The following SNAP91 variants were observed in gnomAD, a reference collection of about 807,000 sequenced individuals.
The protein encoded by SNAP91 is clathrin coat assembly protein AP180.
SNAP91 carries 27 observed loss-of-function variants against 100.3 expected under a neutral mutation model. That is an observed-to-expected ratio of 0.27 (90% CI 0.20 to 0.37). SNAP91 has a LOEUF of 0.37. Ranked by LOEUF, SNAP91 falls within the 10% of genes least tolerant of loss-of-function variation. The pLI is 1.00. For missense variants in SNAP91, 986 were observed against 1,123.7 expected (o/e 0.88, Z 1.75); for synonymous variants, 404 against 398.6 (o/e 1.01, Z -0.16).
At chr6:83,590,715 T>C (rs891143733) in intron 22 of SNAP91, among the ~76,000 whole-genome samples, 1 of 152,082 alleles carries the variant, frequency 6.6e-6, no homozygotes, top group Admixed American at 6.6e-5. Flanking sequence ...AAGATGGGCA[T>C]AGACATTACA....
intron 16 of SNAP91, among the ~76,000 whole-genome samples, chr6:83,600,376 T>C (rs1025624078): frequency 6.6e-6 from 1 of 152,176 alleles, no homozygotes; most frequent in African/African-American, 2.4e-5. Flanking sequence ...GCTTTCACCA[T>C]TTTCTTCCTC....
intron 7 of SNAP91, among the ~76,000 whole-genome samples, chr6:83,649,945 A>G (rs892306587): frequency 3.3e-5 from 5 of 152,154 alleles, no homozygotes; most frequent in Admixed American, 6.5e-5. Flanking sequence ...ATTTTGAACA[A>G]CTAATTGAGA....
chr6:83,677,737 TTA>T (rs2098930493), intron 2 of SNAP91, among the ~76,000 whole-genome samples: 1 of 152,354 alleles, frequency 6.6e-6, no homozygotes, highest in East Asian at 1.9e-4. Context: ...TACATTGCTT[TTA>T]TATTTTATCC....
intron 2 of SNAP91, among the ~76,000 whole-genome samples, chr6:83,686,385 G>C (rs1258447328): frequency 3.3e-5 from 5 of 152,298 alleles, no homozygotes; most frequent in Non-Finnish European, 5.9e-5. Context: ...ACTGGCTACA[G>C]AGGTATTTAA....
intron 11 of SNAP91, among the ~76,000 whole-genome samples, chr6:83,613,043 A>G (rs372620958): frequency 5.3e-5 from 8 of 152,348 alleles, no homozygotes; most frequent in African/African-American, 1.9e-4. Context: ...CTGCTATAAA[A>G]AAGAGTATCA....
At chr6:83,623,802 C>A (rs912293848) in intron 8 of SNAP91, among the ~76,000 whole-genome samples, 1 of 152,020 alleles carries the variant, frequency 6.6e-6, no homozygotes, top group Non-Finnish European at 1.5e-5. Flanking sequence ...TTCAGAGTTT[C>A]TTTATGTATA....
chr6:83,703,579 T>C (rs1293661309), intron 2 of SNAP91, among the ~76,000 whole-genome samples: 1 of 152,230 alleles, frequency 6.6e-6, no homozygotes, highest in Non-Finnish European at 1.5e-5. Context: ...TGTGCCAGTA[T>C]TTGTCTTGAA....
At chr6:83,700,772 AT>A (rs2099284751) in intron 2 of SNAP91, among the ~76,000 whole-genome samples, 1 of 151,916 alleles carries the variant, frequency 6.6e-6, no homozygotes, top group African/African-American at 2.4e-5. Context: ...AATTTATTTT[AT>A]TTTTTATAGA....
At chr6:83,646,415 T>C (rs1280057328) in intron 7 of SNAP91, among the ~76,000 whole-genome samples, 1 of 152,226 alleles carries the variant, frequency 6.6e-6, no homozygotes, top group Non-Finnish European at 1.5e-5. Context: ...GTATAAGGTC[T>C]GTGTCCAGAT....
chr6:83,600,828 T>G (rs1053021902), intron 16 of SNAP91, among the ~76,000 whole-genome samples: 1 of 152,218 alleles, frequency 6.6e-6, no homozygotes, highest in Admixed American at 6.5e-5. Flanking sequence ...CTTAGATTAT[T>G]TTTTGCCCTA....
chr6:83,575,734 G>A, intron 25 of SNAP91: 1 of 348,348 alleles, frequency 2.9e-6, no homozygotes. Flanking sequence ...AATCTAGAAT[G>A]TAATGCTATT....
In SNAP91 at chr6:83,641,667, T is replaced by G. The variant is rs187975910; in HGVS notation, c.659-465A>C. ...TCCTGAATTAAAGAATTCTTTAAGT[T>G]TTCTACACTAAGTTGATACTTGCTT... is the stretch of plus-strand genomic sequence containing the variant. On this transcript the variant is annotated intron_variant, in intron 7 of 29. Transcript: ENST00000369694. Among the ~76,000 whole-genome samples, 139 of 152,314 alleles carry G rather than the reference T, an allele frequency of 9.1e-4. 1 individual carries two copies. The highest frequency in any genetic ancestry group is 3.4e-3 in the Middle Eastern group (1 of 294).
intron 3 of SNAP91, among the ~76,000 whole-genome samples, chr6:83,664,651 A>C (rs2128760913): frequency 6.6e-6 from 1 of 152,262 alleles, no homozygotes; most frequent in South Asian, 2.1e-4. Context: ...CTTGAGATAA[A>C]ATCTACTTCT....
intron 16 of SNAP91, among the ~76,000 whole-genome samples, chr6:83,597,442 A>T (rs2094598517): frequency 6.6e-6 from 1 of 152,202 alleles, no homozygotes; most frequent in Non-Finnish European, 1.5e-5. Flanking sequence ...AGTTATTTCC[A>T]GTTCAGCTCT....
chr6:83,707,987 T>C, intron 1 of SNAP91, 30 bp from the exon 2 acceptor site: 1 of 1,511,938 alleles, frequency 6.6e-7, no homozygotes, highest in Admixed American at 2.5e-5. Context: ...ACGGTCCGGC[T>C]TTAATCCGCA....
Position 83,553,647 on chromosome 6 carries a change from T to A in SNAP91, c.*649A>T, listed in dbSNP as rs1773875408. 1 of 152,134 alleles carries A rather than the reference T, an allele frequency of 6.6e-6. No homozygotes were observed. The highest frequency in any genetic ancestry group is 2.4e-5 in the African/African-American group (1 of 41,458). 9.4% of individuals were successfully genotyped at this position (152,134 alleles called of 1,614,324 possible). The stretch of plus-strand genomic sequence containing the variant: ...GGGATTCTTCCCATACGATTTTTCG[T>A]TCTTGATAAGGTAGCTTCAAAGAGA... On this transcript the variant is annotated 3_prime_UTR_variant, in exon 30 of 30. Coordinates refer to ENST00000369694, the MANE Select transcript of SNAP91 (RefSeq NM_001242792.2).
chr6:83,627,966 A>C (rs1228283296), intron 8 of SNAP91, among the ~76,000 whole-genome samples: 1 of 151,574 alleles, frequency 6.6e-6, no homozygotes, highest in Non-Finnish European at 1.5e-5. Flanking sequence ...ATAGTAGTGT[A>C]CACTGCACCT....
At chr6:83,696,310 C>A (rs1305340060) in intron 2 of SNAP91, among the ~76,000 whole-genome samples, 1 of 152,166 alleles carries the variant, frequency 6.6e-6, no homozygotes, top group Non-Finnish European at 1.5e-5. Context: ...ACAATCAGAA[C>A]TAGGTGAACA....
intron 7 of SNAP91, among the ~76,000 whole-genome samples, chr6:83,642,842 C>T (rs1257953404): frequency 1.3e-5 from 2 of 152,300 alleles, no homozygotes; most frequent in African/African-American, 4.8e-5. Context: ...CACATCCTCT[C>T]CAGCACCTGT....
Sources: gnomAD v4.1 joint callset for allele counts (sites outside exome capture counted in the v4.1 genomes callset) on GRCh38, gnomAD v4.1.1 for gene constraint, MANE v1.5 for transcripts, NCBI Gene and HGNC (gene_info 2026-07-23, HGNC 2026-07-21) for gene names.